UGT1A6: variants seen among roughly 807,000 people sequenced by gnomAD.
UGT1A6 encodes the protein UDP-glucuronosyltransferase 1A6.
In UGT1A6, 32 loss-of-function variants were observed where a neutral mutation model predicts 44.4. That is an observed-to-expected ratio of 0.72 (90% CI 0.54 to 0.97). The LOEUF is 0.97. Ranked by LOEUF, UGT1A6 falls within the 50% of genes least tolerant of loss-of-function variation. The probability of loss-of-function intolerance (pLI) is 0.00; values close to 1 mark genes in which losing one functional copy is unlikely to be tolerated. For synonymous variants in UGT1A6, 238 were observed against 248.5 expected, an observed-to-expected ratio of 0.96 and a Z score of 0.40; for missense variants, 685 against 661.9, an observed-to-expected ratio of 1.03 and a Z score of -0.38.
At chr2:233,732,043 G>A (rs879000369) in intron 1 of UGT1A6, among the ~76,000 whole-genome samples, 3 of 152,324 alleles carry the variant, frequency 2.0e-5, no homozygotes, top group African/African-American at 7.2e-5. Context: ...CAGTGATGAT[G>A]AGCATTTATT....
intron 1 of UGT1A6, among the ~76,000 whole-genome samples, chr2:233,731,747 G>A (rs1273441220): frequency 1.3e-5 from 2 of 152,080 alleles, no homozygotes; most frequent in Non-Finnish European, 2.9e-5. Flanking sequence ...ATAAACATAC[G>A]TGTGCATGTG....
chr2:233,713,425 C>T (rs748267657), intron 1 of UGT1A6: 29 of 1,614,004 alleles, frequency 1.8e-5, no homozygotes, highest in Non-Finnish European at 2.4e-5. Context: ...CATGCTACTT[C>T]CTTTGATGTG....
intron 4 of UGT1A6, chr2:233,770,529 A>G (rs986919893): frequency 6.6e-6 from 1 of 152,118 alleles, no homozygotes; most frequent in Non-Finnish European, 1.5e-5. Flanking sequence ...ATGGTGGTGT[A>G]TGCCTGTAAT....
rs769053574 is a variant in UGT1A6 at position 233,713,820 on chromosome 2, G to T, written c.861+19955G>T. The stretch of plus-strand genomic sequence containing the variant: ...GATCATGCCCAACATGGTCTTCATT[G>T]GGGGCATCAACTGTGCCAACGGGAA... On this transcript the variant is annotated intron_variant, in intron 1 of 4. Coordinates refer to ENST00000305139, the MANE Select transcript of UGT1A6 (RefSeq NM_001072.4). The T allele has an allele frequency of 1.1e-5, 17 of 1,614,012 alleles. No individual in the cohort carries two copies. In the South Asian group the frequency reaches 1.9e-4, roughly 18 times the overall value.
At chr2:233,705,982 A>G (rs535507693) in intron 1 of UGT1A6, among the ~76,000 whole-genome samples, 1 of 152,274 alleles carries the variant, frequency 6.6e-6, no homozygotes, top group African/African-American at 2.4e-5. Context: ...CCGGCTACTC[A>G]GGAGGCTGAG....
intron 1 of UGT1A6, chr2:233,713,437 T>G: frequency 6.2e-7 from 1 of 1,614,192 alleles, no homozygotes; most frequent in Non-Finnish European, 8.5e-7. Flanking sequence ...TTTGATGTGG[T>G]TCTAACAGAC....
chr2:233,702,494 C>A (rs374252732), intron 1 of UGT1A6, among the ~76,000 whole-genome samples: 38 of 152,118 alleles, frequency 2.5e-4, no homozygotes, highest in African/African-American at 9.2e-4. Context: ...CCTCTAGTAC[C>A]GTGTTGAATA....
rs772286131 is a variant in UGT1A6 at position 233,713,430 on chromosome 2, G to C, written c.861+19565G>C. 2.5e-6 allele frequency: 4 copies of C among 1,614,138 alleles called. No homozygotes were observed. The South Asian group carries it at 4.4e-5, about 18-fold the overall frequency. ...CAGGCACCTGCATGCTACTTCCTTT[G>C]ATGTGGTTCTAACAGACCCCTTTCA... On this transcript the variant is annotated intron_variant, in intron 1 of 4. Transcript: ENST00000305139.
At chr2:233,717,531 G>A (rs948742464) in intron 1 of UGT1A6, among the ~76,000 whole-genome samples, 1 of 152,242 alleles carries the variant, frequency 6.6e-6, no homozygotes, top group Non-Finnish European at 1.5e-5. Context: ...CTCCATAAGG[G>A]AAGCCTCAGC....
In UGT1A6 at chr2:233,724,604, G is replaced by C. The variant is rs1340979109; in HGVS notation, c.861+30739G>C. Among the ~76,000 whole-genome samples the C allele has an allele frequency of 2.3e-5, 3 of 132,728 alleles. 1 individual carries two copies. Among genetic ancestry groups the C allele is most frequent in the Non-Finnish European group, 4.8e-5 (3 of 62,762 alleles). 87.1% of individuals were successfully genotyped at this position (132,728 alleles called of 152,430 possible). On this transcript the variant is annotated intron_variant, in intron 1 of 4. Transcript: ENST00000305139. ...GCTCCCCACATCTCAGACGATGGGCGGCCGGGCAGAGACGCTCCTCACTTC... is the reference window on the plus strand; with the variant it reads ...GCTCCCCACATCTCAGACGATGGGCCGCCGGGCAGAGACGCTCCTCACTTC...
intron 1 of UGT1A6, chr2:233,738,880 T>G (rs1690926968): frequency 6.6e-6 from 1 of 152,168 alleles, no homozygotes; most frequent in Admixed American, 6.5e-5. Context: ...CCAGGGCATG[T>G]CAGAGACCTT....
chr2:233,754,803 G>T lies in UGT1A6; in HGVS notation c.862-12231G>T, dbSNP rs550413061. 8.8e-5 allele frequency: 113 copies of T among 1,279,154 alleles called. No homozygotes were observed. In the South Asian group the frequency reaches 1.3e-3, roughly 15 times the overall value. The allele number at this position is 1,279,154 out of a possible 1,614,324, so 79.2% of individuals were successfully genotyped here. On this transcript the variant is annotated intron_variant, in intron 1 of 4. Transcript: ENST00000305139. ...AAAGGAACGAAATCCTGTATCAAAAGAAGAAAAACCACCCTCAAAAGCTGG... is the reference window on the plus strand; with the variant it reads ...AAAGGAACGAAATCCTGTATCAAAATAAGAAAAACCACCCTCAAAAGCTGG...
rs115940468 is a variant in UGT1A6, at chr2:233,693,384, A to G, written c.380A>G (p.Gln127Arg). 36 of 1,614,214 alleles carry G rather than the reference A, an allele frequency of 2.2e-5. 1 individual carries two copies. The East Asian group carries it at 8.0e-4, about 36-fold the overall frequency. ...ATTGGCCTGTACTTCATCAACTGCC[A>G]GAGCCTCCTGCAGGACAGGGACACC... is the stretch of plus-strand genomic sequence containing the variant. ...IVIGLYFINC[Q>R]SLLQDRDTLN... is the part of the protein sequence containing the mutation. Residue 127 changes from glutamine to arginine, a missense_variant, in exon 1 of 5, where the codon CAG becomes CGG. Transcript: ENST00000305139.
At chr2:233,703,162 A>G (rs886664238) in intron 1 of UGT1A6, among the ~76,000 whole-genome samples, 3 of 152,012 alleles carry the variant, frequency 2.0e-5, no homozygotes, top group African/African-American at 7.3e-5. Flanking sequence ...TTTCTTCTTG[A>G]TTCAATTTCA....
chr2:233,759,106 A>G (rs1201357273), intron 1 of UGT1A6, among the ~76,000 whole-genome samples: 1 of 152,224 alleles, frequency 6.6e-6, no homozygotes, highest in Non-Finnish European at 1.5e-5. Flanking sequence ...ACAGTTTGCA[A>G]ACCAGGGAGT....
intron 1 of UGT1A6, chr2:233,754,604 C>T (rs1227545131): frequency 6.9e-6 from 3 of 433,838 alleles, no homozygotes; most frequent in Non-Finnish European, 1.4e-5. Context: ...TTTAACTCAA[C>T]TCTCCATCTT....
chr2:233,729,477 GA>G, intron 1 of UGT1A6: 2 of 1,614,194 alleles, frequency 1.2e-6, no homozygotes, highest in Middle Eastern at 1.6e-4. Context: ...TGGCAATGTT[GA>G]ACAATATGTC....
In UGT1A6 at chr2:233,769,823, C is replaced by A. The variant is rs1252116472; in HGVS notation, c.1301+1384C>A. The A allele has an allele frequency of 4.0e-5, 32 of 804,912 alleles. No homozygotes were observed. Among genetic ancestry groups the A allele is most frequent in the Non-Finnish European group, 5.3e-5 (30 of 565,272 alleles). 49.9% of individuals were successfully genotyped at this position (804,912 alleles called of 1,614,324 possible). A position where few individuals can be genotyped will look rare whatever the true frequency, so the allele number is the denominator to read the frequency against. On this transcript the variant is annotated intron_variant, in intron 4 of 4. Transcript: ENST00000305139. The surrounding 1 kb of genome is among the most constrained non-coding windows in gnomAD (Gnocchi z 4.4). ...TGAGCCGTGATCATGCCACTGCACT[C>A]CAGCAACCTGGGCAACAGAGTGAGA...
intron 1 of UGT1A6, among the ~76,000 whole-genome samples, chr2:233,731,771 A>T (rs1045763879): frequency 6.6e-6 from 1 of 152,184 alleles, no homozygotes; most frequent in Non-Finnish European, 1.5e-5. Flanking sequence ...TTAGAGTAGT[A>T]TCATTTATAA....
Sources: allele counts gnomAD v4.1 joint callset (sites outside exome capture counted in the v4.1 genomes callset), GRCh38; gene constraint gnomAD v4.1.1; non-coding constraint Gnocchi (gnomAD v3.1); transcripts MANE v1.5; gene names NCBI Gene and HGNC (gene_info 2026-07-23, HGNC 2026-07-21).